The following INSR variants were observed in gnomAD, a reference collection of about 807,000 sequenced individuals.
The protein encoded by INSR is insulin receptor.
Under a neutral mutation model 142.6 loss-of-function variants are expected in INSR, and 67 were observed. The ratio of observed to expected loss-of-function variants is 0.47; its 90% CI spans 0.39 to 0.58. The LOEUF is 0.58. Among genes scored for constraint, INSR ranks in the 20% least tolerant of loss-of-function variants. The pLI is 0.00. For synonymous variants in INSR, 756 were observed against 743.1 expected, an observed-to-expected ratio of 1.02 and a Z score of -0.28; for missense variants, 1,248 against 1,833.2, an observed-to-expected ratio of 0.68 and a Z score of 5.83.
intron 2 of INSR, among the ~76,000 whole-genome samples, chr19:7,215,882 T>A (rs1459419747): frequency 6.6e-6 from 1 of 151,736 alleles, no homozygotes; most frequent in South Asian, 2.1e-4. Flanking sequence ...AGTCTCCTTT[T>A]CTGATAACAT....
intron 13 of INSR, among the ~76,000 whole-genome samples, chr19:7,135,612 T>G (rs958536466): frequency 3.3e-5 from 5 of 149,620 alleles, no homozygotes; most frequent in African/African-American, 1.2e-4. Context: ...TAACGGGAGA[T>G]ACTGAAAATG....
At chr19:7,140,776 T>C (rs1018782470) in intron 13 of INSR, among the ~76,000 whole-genome samples, 7 of 151,156 alleles carry the variant, frequency 4.6e-5, no homozygotes, top group African/African-American at 1.7e-4. Context: ...AACGGCCCTT[T>C]TTTTTTTTTT....
chr19:7,244,062 A>G (rs2145156941), intron 2 of INSR, among the ~76,000 whole-genome samples: 1 of 152,320 alleles, frequency 6.6e-6, no homozygotes, highest in East Asian at 1.9e-4. Context: ...ATTGCACACA[A>G]TGAATAAAAC....
rs577415247 is a variant in INSR at position 7,277,188 on chromosome 19, C to T, written c.101-9292G>A. Reference sequence around the variant, plus strand: ...CTCCAGAAATTAGAGCTTGGACACACTGGGGTGTCAGAGATCCTTAAGATT... The same window carrying T: ...CTCCAGAAATTAGAGCTTGGACACATTGGGGTGTCAGAGATCCTTAAGATT... On this transcript the variant is annotated intron_variant, in intron 1 of 21. Coordinates refer to ENST00000302850, the MANE Select transcript of INSR (RefSeq NM_000208.4). Among the ~76,000 whole-genome samples the T allele has an allele frequency of 3.9e-5, 6 of 152,272 alleles. No individual in the cohort carries two copies. The South Asian group carries it at 8.3e-4, about 21-fold the overall frequency.
chr19:7,188,283 C>A (rs1033270958), intron 2 of INSR, among the ~76,000 whole-genome samples: 1 of 152,136 alleles, frequency 6.6e-6, no homozygotes, highest in Non-Finnish European at 1.5e-5. Context: ...CGGGGGCTCA[C>A]ACCTATAATC....
intron 9 of INSR, among the ~76,000 whole-genome samples, chr19:7,155,184 T>G (rs1973558022): frequency 6.6e-6 from 1 of 151,484 alleles, no homozygotes; most frequent in Admixed American, 6.6e-5. Context: ...GTAAAGCAAT[T>G]CAGACATAGC....
At chr19:7,151,285 T>G (rs1973351667) in intron 10 of INSR, among the ~76,000 whole-genome samples, 1 of 151,040 alleles carries the variant, frequency 6.6e-6, no homozygotes, top group Admixed American at 6.7e-5. Flanking sequence ...TTTCCCTTCC[T>G]TCCTTTTTGA....
At chr19:7,123,753 T>A (rs914543284) in intron 17 of INSR, among the ~76,000 whole-genome samples, 1 of 150,500 alleles carries the variant, frequency 6.6e-6, no homozygotes, top group African/African-American at 2.4e-5. Context: ...CGAAACCCCA[T>A]CTCTACTAAA....
chr19:7,153,206 C>CA, intron 9 of INSR, among the ~76,000 whole-genome samples: 1 of 77,108 alleles, frequency 1.3e-5, no homozygotes, highest in Non-Finnish European at 2.7e-5. Flanking sequence ...ACCACACACA[C>CA]CACACACCAC....
chr19:7,144,704 CTTT>C (rs199504210), intron 11 of INSR, among the ~76,000 whole-genome samples: 4 of 135,872 alleles, frequency 2.9e-5, no homozygotes, highest in Admixed American at 7.3e-5. Flanking sequence ...GCACATGGCT[CTTT>C]TTTTTTTTTT....
chr19:7,268,572 A>G, intron 1 of INSR: 2 of 985,142 alleles, frequency 2.0e-6, no homozygotes, highest in Non-Finnish European at 2.4e-6. Flanking sequence ...TCCCCTGCAC[A>G]CCACTAAACA....
chr19:7,160,304 G>T (rs1343494045), intron 9 of INSR, among the ~76,000 whole-genome samples: 1 of 151,814 alleles, frequency 6.6e-6, no homozygotes, highest in African/African-American at 2.4e-5. Context: ...ACAGGCCCAC[G>T]CCTGGCTAAT....
intron 13 of INSR, among the ~76,000 whole-genome samples, chr19:7,133,009 C>G (rs1599882964): frequency 1.3e-5 from 2 of 152,154 alleles, no homozygotes; most frequent in African/African-American, 4.8e-5. Context: ...TGCCTGTAAT[C>G]CCAGCCCTAT....
At chr19:7,179,135 C>T (rs552198046) in intron 3 of INSR, among the ~76,000 whole-genome samples, 40 of 152,290 alleles carry the variant, frequency 2.6e-4, no homozygotes, top group Admixed American at 5.2e-4. Flanking sequence ...TGGTCTCGAA[C>T]CTCTGGGCTC....
At chr19:7,132,613 C>T (rs746504459) in intron 13 of INSR, among the ~76,000 whole-genome samples, 59 of 141,364 alleles carry the variant, frequency 4.2e-4, no homozygotes, top group Non-Finnish European at 2.5e-4. Flanking sequence ...TTTTTCCAGA[C>T]GGAGTTTCAC....
chr19:7,207,932 GGAA>G (rs1568486953), intron 2 of INSR, among the ~76,000 whole-genome samples: 17 of 131,890 alleles, frequency 1.3e-4, no homozygotes, highest in African/African-American at 4.9e-4. Context: ...AAGGAAGGAA[GGAA>G]GGAAGGGAAG....
chr19:7,163,634 A>C (rs975777753), intron 8 of INSR, among the ~76,000 whole-genome samples: 3 of 151,948 alleles, frequency 2.0e-5, no homozygotes, highest in Admixed American at 6.6e-5. Context: ...ACCCAAAGTA[A>C]CGGAGGTGGC....
At chr19:7,187,023 C>T (rs1974450387) in intron 2 of INSR, among the ~76,000 whole-genome samples, 1 of 151,820 alleles carries the variant, frequency 6.6e-6, no homozygotes, top group African/African-American at 2.4e-5. Flanking sequence ...CTTTCTGTCT[C>T]TGTGACTCTG....
At chr19:7,198,346 G>A (rs1289734131) in intron 2 of INSR, among the ~76,000 whole-genome samples, 1 of 152,052 alleles carries the variant, frequency 6.6e-6, no homozygotes, top group South Asian at 2.1e-4. Context: ...CAGAGGAAAG[G>A]GCGCCCTGGG....
Sources: gnomAD v4.1 joint callset for allele counts (sites outside exome capture counted in the v4.1 genomes callset) on GRCh38, gnomAD v4.1.1 for gene constraint, MANE v1.5 for transcripts, NCBI Gene and HGNC (gene_info 2026-07-23, HGNC 2026-07-21) for gene names.